Variants in ANK2 observed in about 807,000 individuals in gnomAD.
ANK2 encodes the protein ankyrin 2.
A neutral mutation model predicts 360.5 loss-of-function variants in ANK2; 83 were observed. The ratio of observed to expected loss-of-function variants is 0.23; its 90% CI spans 0.19 to 0.28. The LOEUF (loss-of-function observed/expected upper bound fraction) is 0.28, where lower values mean the gene tolerates loss of function less well. Among genes scored for constraint, ANK2 ranks in the 10% least tolerant of loss-of-function variants. The pLI, the probability that ANK2 is intolerant of heterozygous loss-of-function variation, is 1.00. For missense variants in ANK2, 4,201 were observed against 4,795.7 expected (o/e 0.88, Z 3.66); for synonymous variants, 1,740 against 1,759.5 (o/e 0.99, Z 0.28).
At chr4:113,381,432 TTC>T in intron 45 of ANK2, 23 bp from the exon 46 acceptor site, 1 of 1,614,046 alleles carries the variant, frequency 6.2e-7, no homozygotes, top group Non-Finnish European at 8.5e-7. Context: ...AAGAGCGTAA[TTC>T]TCTCTTGTCT....
chr4:113,136,148 G>A (rs1011077491), intron 1 of ANK2, among the ~76,000 whole-genome samples: 1 of 151,912 alleles, frequency 6.6e-6, no homozygotes, highest in Non-Finnish European at 1.5e-5. Context: ...GCTATATAGG[G>A]GCACTATCAG....
At position 113,049,793 on chromosome 4, in the gene ANK2, G is replaced by A. The variant is rs1216511889; in HGVS notation, c.65G>A (p.Arg22Lys). The change falls in exon 1 of 46, where the codon AGG (arginine) becomes AAG (lysine). Residue 22 changes from arginine (R) to lysine (K), a missense_variant. Arg to Lys is a conservative substitution (Grantham distance 26). Transcript: ENST00000357077. ...SGEKFNGSSQ[R>K]RKRPKKSDSN... ...GAGAAGTTCAACGGCAGTAGTCAGAGGAGAAAAAGACCCAAGAAGGTAAAT... is the reference window on the plus strand; with the variant it reads ...GAGAAGTTCAACGGCAGTAGTCAGAAGAGAAAAAGACCCAAGAAGGTAAAT... The A allele has an allele frequency of 3.7e-6, 6 of 1,613,586 alleles. No homozygotes were observed. The highest frequency in any genetic ancestry group is 4.2e-6 in the Non-Finnish European group (5 of 1,179,778).
At chr4:112,718,254 G>C in the ANK2 span, among the ~76,000 whole-genome samples, 4 of 152,202 alleles carry the variant, frequency 2.6e-5, no homozygotes, top group East Asian at 7.7e-4. Flanking sequence ...CCAGTTGATG[G>C]GGAGACAAGG....
intron 1 of ANK2, among the ~76,000 whole-genome samples, chr4:112,823,323 A>G (rs920855753): frequency 7.2e-5 from 11 of 152,242 alleles, no homozygotes; most frequent in African/African-American, 2.7e-4. Flanking sequence ...TTCAAAAAGA[A>G]TAATTGGGAC....
the ANK2 span, among the ~76,000 whole-genome samples, chr4:112,770,711 C>CT: frequency 8.2e-6 from 1 of 121,620 alleles, no homozygotes; most frequent in Non-Finnish European, 1.7e-5. Context: ...CTCTCTCTCT[C>CT]AAAAAAAAAA....
intron 45 of ANK2, among the ~76,000 whole-genome samples, chr4:113,381,079 T>G (rs1732327985): frequency 6.6e-6 from 1 of 152,184 alleles, no homozygotes. Context: ...AAAAGGTACT[T>G]GTGGTACTAT....
chr4:113,202,789 TAG>T (rs1323843710), intron 4 of ANK2, among the ~76,000 whole-genome samples: 1 of 152,216 alleles, frequency 6.6e-6, no homozygotes, highest in African/African-American at 2.4e-5. Context: ...CCAATTTTGG[TAG>T]AGAGTGTCCT....
chr4:113,065,928 A>G (rs115148233), intron 1 of ANK2, among the ~76,000 whole-genome samples: 2,124 of 152,264 alleles, frequency 0.014, 27 homozygotes, highest in Middle Eastern at 0.02. Flanking sequence ...GCACTATTTT[A>G]CTATAGTCAC....
At chr4:112,983,058 T>A (rs1194886309) in intron 2 of ANK2, among the ~76,000 whole-genome samples, 1 of 152,176 alleles carries the variant, frequency 6.6e-6, no homozygotes, top group African/African-American at 2.4e-5. Flanking sequence ...TAATAGTAAC[T>A]ATTTTTTATT....
intron 1 of ANK2, among the ~76,000 whole-genome samples, chr4:112,895,888 T>C (rs1476139952): frequency 1.3e-5 from 2 of 152,258 alleles, no homozygotes; most frequent in African/African-American, 2.4e-5. Flanking sequence ...TCTGAGAGTA[T>C]GTGTCAAAGC....
the ANK2 span, among the ~76,000 whole-genome samples, chr4:112,810,182 TGTAGCAATGGGG>T: frequency 1.5e-3 from 171 of 111,634 alleles, no homozygotes; most frequent in Non-Finnish European, 2.2e-3. Context: ...TTTTTTTTTT[TGTAGCAATGGGG>T]TTTCACCATG....
chr4:112,775,672 G>A, the ANK2 span, among the ~76,000 whole-genome samples: 1 of 152,152 alleles, frequency 6.6e-6, no homozygotes, highest in Non-Finnish European at 1.5e-5. Flanking sequence ...CACGGCTTTT[G>A]TAGGAAGATG....
intron 2 of ANK2, among the ~76,000 whole-genome samples, chr4:112,957,839 G>A (rs1190084530): frequency 4.0e-5 from 6 of 150,046 alleles, no homozygotes; most frequent in Non-Finnish European, 1.5e-5. Flanking sequence ...CTTCTCAGAC[G>A]GGGCGGTTGC....
intron 1 of ANK2, chr4:113,160,511 A>G: frequency 8.8e-6 from 2 of 227,032 alleles, no homozygotes; most frequent in Non-Finnish European, 1.8e-5. Context: ...TTGATCCCCC[A>G]AATTTTCACT....
intron 29 of ANK2, 71 bp from the exon 30 acceptor site, chr4:113,335,775 T>G: frequency 4.1e-6 from 6 of 1,462,792 alleles, no homozygotes; most frequent in Non-Finnish European, 5.7e-6. Context: ...ACCGAGCGAA[T>G]GAGTTGGCTA....
intron 2 of ANK2, among the ~76,000 whole-genome samples, chr4:113,176,584 A>C (rs973664895): frequency 2.6e-5 from 4 of 151,986 alleles, no homozygotes; most frequent in Admixed American, 1.3e-4. Context: ...TAAAATACTT[A>C]TGAAGTTGAA....
chr4:112,732,149 C>T, the ANK2 span, among the ~76,000 whole-genome samples: 1 of 152,044 alleles, frequency 6.6e-6, no homozygotes, highest in Admixed American at 6.6e-5. Context: ...TACCAGCACA[C>T]CACTGGGTGT....
chr4:113,298,625 A>G (rs1356997223), intron 22 of ANK2, among the ~76,000 whole-genome samples: 19 of 152,202 alleles, frequency 1.2e-4, no homozygotes, highest in Non-Finnish European at 1.5e-5. Context: ...TCTCTCTTCC[A>G]TCTATTATAT....
rs771510196 is a variant in ANK2, at chr4:113,369,515, G to A, written c.11320G>A (p.Val3774Met). The change falls in exon 43 of 46, where the codon GTG becomes ATG. Residue 3774 changes from valine to methionine, a missense_variant and splice_region_variant. Around this residue, in one of 4 missense-constraint regions of ANK2, gnomAD observed 2,642 missense variants for 2,714.5 expected, o/e 0.97. Transcript: ENST00000357077. Reference sequence around the variant, plus strand: ...TCTCATTTGGCTTTTTGATTCCAGTGTGACAACTCCAGGAACAGAAACATC... The same window carrying A: ...TCTCATTTGGCTTTTTGATTCCAGTATGACAACTCCAGGAACAGAAACATC... ...SSLEYQQEYF[V>M]TTPGTETSET... is the part of the protein sequence containing the mutation. 6.4e-5 allele frequency: 104 copies of A among 1,613,666 alleles called. No individual in the cohort carries two copies. The East Asian group carries it at 2.3e-3, about 35-fold the overall frequency.
Sources: gnomAD v4.1 joint callset for allele counts (sites outside exome capture counted in the v4.1 genomes callset) on GRCh38, gnomAD v4.1.1 for gene constraint, gnomAD v4.1.1 regional missense constraint, MANE v1.5 for transcripts, NCBI Gene and HGNC (gene_info 2026-07-23, HGNC 2026-07-21) for gene names.